The following CAMTA1 variants were observed in gnomAD, a reference collection of about 807,000 sequenced individuals.
CAMTA1 encodes the protein calmodulin-binding transcription activator 1.
In CAMTA1, 27 loss-of-function variants were observed where a neutral mutation model predicts 170.9. That is an observed-to-expected ratio of 0.16 (90% CI 0.12 to 0.22). CAMTA1 has a LOEUF of 0.22. CAMTA1 is among the 10% of genes least tolerant of loss of function. The probability of loss-of-function intolerance (pLI) is 1.00; values close to 1 mark genes in which losing one functional copy is unlikely to be tolerated. For missense variants in CAMTA1, 1,619 were observed against 2,217.2 expected, an observed-to-expected ratio of 0.73 and a Z score of 5.42; for synonymous variants, 833 against 891.5, an observed-to-expected ratio of 0.93 and a Z score of 1.17.
chr1:7,133,793 T>A (rs1573338900), intron 4 of CAMTA1, among the ~76,000 whole-genome samples: 1 of 152,338 alleles, frequency 6.6e-6, no homozygotes, highest in East Asian at 1.9e-4. Context: ...TGTGGCCCTC[T>A]CAAATGGTGG....
chr1:6,995,295 CTTTTT>C (rs765139922), intron 3 of CAMTA1, among the ~76,000 whole-genome samples: 22 of 60,624 alleles, frequency 3.6e-4, no homozygotes, highest in Non-Finnish European at 5.5e-4. Flanking sequence ...TTTTTCTTTT[CTTTTT>C]TTTTTTTTTT....
Position 7,407,418 on chromosome 1 carries a change from G to A in CAMTA1, c.439-60412G>A, listed in dbSNP as rs762656026. 4.0e-4 allele frequency among the ~76,000 whole-genome samples: 61 copies of A among 152,204 alleles called. 1 individual carries two copies. The highest frequency in any genetic ancestry group is 3.9e-4 in the Admixed American group (6 of 15,284). ...GAGGGTCTGGGAAGGGCCCTGCTCT[G>A]TGGGGCCCCTCACTCCTCACTCTGA... On this transcript the variant is annotated intron_variant, in intron 5 of 22. Transcript: ENST00000303635.
At chr1:7,365,636 TC>T (rs2085910927) in intron 5 of CAMTA1, among the ~76,000 whole-genome samples, 1 of 152,178 alleles carries the variant, frequency 6.6e-6, no homozygotes, top group South Asian at 2.1e-4. Context: ...TGGAGAATGA[TC>T]CCTTTCTTTT....
At chr1:6,908,202 C>T (rs1557806252) in intron 3 of CAMTA1, among the ~76,000 whole-genome samples, 2 of 152,228 alleles carry the variant, frequency 1.3e-5, no homozygotes, top group African/African-American at 4.8e-5. Context: ...TAATGCTATC[C>T]GTCATCATCC....
chr1:7,425,953 G>A (rs1383225664), intron 5 of CAMTA1, among the ~76,000 whole-genome samples: 1 of 152,190 alleles, frequency 6.6e-6, no homozygotes, highest in Non-Finnish European at 1.5e-5. Context: ...ATTGATTCAT[G>A]TACCTGCCCT....
rs185136111 is a variant in CAMTA1 at position 7,237,965 on chromosome 1, C to T, written c.303-11526C>T. Among the ~76,000 whole-genome samples, 221 of 152,340 alleles carry T rather than the reference C, an allele frequency of 1.5e-3. 2 individuals are homozygous for T. The highest frequency in any genetic ancestry group is 5.1e-3 in the African/African-American group (214 of 41,578). On this transcript the variant is annotated intron_variant, in intron 4 of 22. Coordinates refer to ENST00000303635, the MANE Select transcript of CAMTA1 (RefSeq NM_015215.4). ...AAACAGAGAGACCAAGTAATTTGTT[C>T]AAGATCACACAGCTCTTAAGGAGCT...
chr1:7,429,782 AG>A (rs1339784852), intron 5 of CAMTA1, among the ~76,000 whole-genome samples: 2 of 152,046 alleles, frequency 1.3e-5, no homozygotes, highest in Non-Finnish European at 2.9e-5. Context: ...CATGCTGTAC[AG>A]GAAGCATAGT....
chr1:7,191,634 A>G, intron 4 of CAMTA1, among the ~76,000 whole-genome samples: 1 of 152,228 alleles, frequency 6.6e-6, no homozygotes, highest in Non-Finnish European at 1.5e-5. Flanking sequence ...AAATTGCTTT[A>G]AATTTGGTCA....
At chr1:7,671,689 CAGGGG>C (rs2096061854) in intron 10 of CAMTA1, among the ~76,000 whole-genome samples, 1 of 152,206 alleles carries the variant, frequency 6.6e-6, no homozygotes, top group Non-Finnish European at 1.5e-5. Flanking sequence ...CTTCCAATTT[CAGGGG>C]CTCAAAAATC....
At chr1:6,886,794 TAGTG>T (rs1368485183) in intron 3 of CAMTA1, among the ~76,000 whole-genome samples, 2 of 152,182 alleles carry the variant, frequency 1.3e-5, no homozygotes, top group Non-Finnish European at 2.9e-5. Context: ...TCCCCCAAAA[TAGTG>T]AGGGAGAGAA....
intron 4 of CAMTA1, among the ~76,000 whole-genome samples, chr1:7,203,735 GT>G (rs1462085428): frequency 6.8e-6 from 1 of 147,718 alleles, no homozygotes; most frequent in Non-Finnish European, 1.5e-5. Flanking sequence ...AGTTATTTGA[GT>G]TTTCTCTTTT....
intron 6 of CAMTA1, among the ~76,000 whole-genome samples, chr1:7,589,410 T>G (rs2095338005): frequency 6.6e-6 from 1 of 152,184 alleles, no homozygotes; most frequent in South Asian, 2.1e-4. Context: ...CTGTGACATT[T>G]TCGTGTCATT....
At chr1:6,824,221 A>T (rs540946721) in intron 2 of CAMTA1, among the ~76,000 whole-genome samples, 3 of 152,336 alleles carry the variant, frequency 2.0e-5, no homozygotes, top group Admixed American at 1.3e-4. Context: ...AATAATTTGT[A>T]ACTTTGACCT....
chr1:7,085,293 T>A (rs950626417), intron 3 of CAMTA1, among the ~76,000 whole-genome samples: 11 of 152,220 alleles, frequency 7.2e-5, no homozygotes, highest in Non-Finnish European at 1.0e-4. Flanking sequence ...GGCCCGAGCC[T>A]CGATGGCAAC....
At chr1:6,926,479 T>TC (rs1683231483) in intron 3 of CAMTA1, among the ~76,000 whole-genome samples, 1 of 147,490 alleles carries the variant, frequency 6.8e-6, no homozygotes, top group African/African-American at 2.5e-5. Context: ...TTTCTTTCTT[T>TC]CTTTCTTTCT....
intron 3 of CAMTA1, among the ~76,000 whole-genome samples, chr1:7,038,737 C>A (rs908389038): frequency 6.6e-6 from 1 of 152,156 alleles, no homozygotes; most frequent in Non-Finnish European, 1.5e-5. Context: ...ATTGTATGTA[C>A]CCATTTATAT....
At position 7,033,663 on chromosome 1, in the gene CAMTA1, G is replaced by A. The variant is rs528746513; in HGVS notation, c.235-57641G>A. Among the ~76,000 whole-genome samples, 67 of 140,464 alleles carry A rather than the reference G, an allele frequency of 4.8e-4. 1 individual carries two copies. In the South Asian group the frequency reaches 0.011, roughly 23 times the overall value. The allele number at this position is 140,464 out of a possible 152,430, so 92.1% of individuals were successfully genotyped here. On this transcript the variant is annotated intron_variant, in intron 3 of 22. Coordinates refer to ENST00000303635, the MANE Select transcript of CAMTA1 (RefSeq NM_015215.4). Reference sequence around the variant, plus strand: ...GCTGGAGTGCTGTGGCGGTGATCTCGGCTCACTGCAACCTCCGCCTCCCGG... The same window carrying A: ...GCTGGAGTGCTGTGGCGGTGATCTCAGCTCACTGCAACCTCCGCCTCCCGG...
chr1:7,330,462 C>T (rs2082959447), intron 5 of CAMTA1, among the ~76,000 whole-genome samples: 1 of 152,112 alleles, frequency 6.6e-6, no homozygotes. Context: ...GAGTGTACGC[C>T]CCCTTCTGAG....
chr1:6,922,898 C>G (rs539874593), intron 3 of CAMTA1, among the ~76,000 whole-genome samples: 2 of 152,120 alleles, frequency 1.3e-5, no homozygotes, highest in Non-Finnish European at 2.9e-5. Context: ...GTTAAGTGTT[C>G]CAGGAATGAG....
Sources: allele counts gnomAD v4.1 joint callset (sites outside exome capture counted in the v4.1 genomes callset), GRCh38; gene constraint gnomAD v4.1.1; transcripts MANE v1.5; gene names NCBI Gene and HGNC (gene_info 2026-07-23, HGNC 2026-07-21).